The following ZP4 variants were observed in gnomAD, a reference collection of about 807,000 sequenced individuals.
ZP4 encodes the protein zona pellucida glycoprotein 4.
In ZP4, 62 loss-of-function variants were observed where a neutral mutation model predicts 62.3. The ratio of observed to expected loss-of-function variants is 0.99; its 90% CI spans 0.81 to 1.23. ZP4 has a LOEUF of 1.23. ZP4 is among the 50% of genes most tolerant of loss of function. The pLI is 0.00. For missense variants in ZP4, 774 were observed against 656.0 expected (o/e 1.18, Z -1.97); for synonymous variants, 289 against 247.3 (o/e 1.17, Z -1.58).
intron 10 of ZP4, among the ~76,000 whole-genome samples, chr1:237,884,130 C>G (rs1161379705): frequency 1.3e-5 from 2 of 151,344 alleles, no homozygotes; most frequent in East Asian, 3.9e-4. Flanking sequence ...TTCTATTTGC[C>G]AGTTGTAGGA....
At chr1:237,888,608 T>C (rs1558534510) in intron 3 of ZP4, 98 bp from the exon 4 acceptor site, 2 of 1,171,966 alleles carry the variant, frequency 1.7e-6, no homozygotes, top group Admixed American at 2.3e-5. Flanking sequence ...CCTGTAGATA[T>C]GTAGATGATT....
At position 237,890,496 on chromosome 1, in the gene ZP4, T is replaced by C. The variant is rs1421783182; in HGVS notation, c.140A>G (p.Gln47Arg). Residue 47 changes from glutamine (Q) to arginine (R), a missense_variant, in exon 1 of 12, where the codon CAG becomes CGG. Coordinates refer to ENST00000366570, the MANE Select transcript of ZP4 (RefSeq NM_021186.5). ...WSFQFAVNLN[Q>R]EATSPPVLIA... Reference sequence around the variant, plus strand: ...TAGTACAGGAGGAGACGTTGCCTCCTGGTTGAGGTTTACAGCAAACTGGAA... The same window carrying C: ...TAGTACAGGAGGAGACGTTGCCTCCCGGTTGAGGTTTACAGCAAACTGGAA... The C allele has an allele frequency of 6.2e-7, 1 of 1,613,928 alleles. No homozygotes were observed. The highest frequency in any genetic ancestry group is 1.6e-4 in the Middle Eastern group (1 of 6,062).
At chr1:237,882,721 T>TC (rs1168095597) in intron 11 of ZP4, 21 bp downstream of exon 11, 1 of 1,609,992 alleles carries the variant, frequency 6.2e-7, no homozygotes, top group Non-Finnish European at 8.5e-7. Context: ...TAGTTTGATC[T>TC]CCTCCCTCTT....
At chr1:237,886,918 G>A (rs757819716) in intron 5 of ZP4, 50 bp from the exon 6 acceptor site, 3 of 1,510,298 alleles carry the variant, frequency 2.0e-6, no homozygotes, top group African/African-American at 1.4e-5. Context: ...GTGTTATGCT[G>A]CTTGACTTGC....
At position 237,882,761 on chromosome 1, in the gene ZP4, C is replaced by T. The variant is rs1309481868; in HGVS notation, c.1476G>A (p.Lys492=). The T allele has an allele frequency of 6.2e-7, 1 of 1,614,094 alleles. No individual in the cohort carries two copies. Among genetic ancestry groups the T allele is most frequent in the Non-Finnish European group, 8.5e-7 (1 of 1,180,004 alleles). Residue 492 remains lysine (K), a synonymous_variant, in exon 11 of 12, where the codon AAG becomes AAA. Transcript: ENST00000366570. ...ACTTACGGAGCTTTTCTGGAGGGTCCTTAGTGGCTTGGAGTAGAATCATGG... is the reference window on the plus strand; with the variant it reads ...ACTTACGGAGCTTTTCTGGAGGGTCTTTAGTGGCTTGGAGTAGAATCATGG... ...KGPMILLQAT[K]DPPEKLRVPV... is the part of the protein sequence containing the mutation.
intron 3 of ZP4, among the ~76,000 whole-genome samples, chr1:237,889,461 G>A (rs1478007814): frequency 6.6e-6 from 1 of 151,940 alleles, no homozygotes; most frequent in African/African-American, 2.4e-5. Context: ...TGGGATTACA[G>A]GCATGTACCA....
Position 237,888,378 on chromosome 1 carries a change from G to T in ZP4, c.533C>A (p.Ser178Tyr). ...GCCYSSEEVN[S>Y]CYYGNTVTLH... ...CTCACCAGTGTTTCCATAGTAGCAGGAATTCACCTCTTCAGAGCTATAACA... is the reference window on the plus strand; with the variant it reads ...CTCACCAGTGTTTCCATAGTAGCAGTAATTCACCTCTTCAGAGCTATAACA... Residue 178 changes from serine to tyrosine, a missense_variant, in exon 4 of 12, where the codon TCC becomes TAC. Physicochemically the swap from Ser to Tyr is moderately radical, Grantham distance 144 (BLOSUM62 -2). Coordinates refer to ENST00000366570, the MANE Select transcript of ZP4 (RefSeq NM_021186.5). 1 of 1,588,630 alleles carries T rather than the reference G, an allele frequency of 6.3e-7. No individual in the cohort carries two copies. Among genetic ancestry groups the T allele is most frequent in the Non-Finnish European group, 8.6e-7 (1 of 1,161,596 alleles).
intron 6 of ZP4, among the ~76,000 whole-genome samples, chr1:237,886,250 G>A (rs532368513): frequency 6.6e-6 from 1 of 152,162 alleles, no homozygotes. Flanking sequence ...AGTGCTTGAG[G>A]CCCTTTGAGA....
At chr1:237,885,637 T>C (rs939866984) in intron 7 of ZP4, 57 bp from the exon 8 acceptor site, 2 of 1,597,236 alleles carry the variant, frequency 1.3e-6, no homozygotes, top group Non-Finnish European at 1.7e-6. Context: ...CTTGAGGGAC[T>C]GTCACCCCTT....
chr1:237,890,236 TAGTC>T, intron 1 of ZP4, 60 bp from the exon 2 acceptor site: 1 of 1,610,286 alleles, frequency 6.2e-7, no homozygotes, highest in Non-Finnish European at 8.5e-7. Context: ...CCAGAAAGGA[TAGTC>T]AGCCTTGCCA....
At chr1:237,889,460 A>G (rs1665185770) in intron 3 of ZP4, among the ~76,000 whole-genome samples, 1 of 151,872 alleles carries the variant, frequency 6.6e-6, no homozygotes, top group Non-Finnish European at 1.5e-5. Flanking sequence ...CTGGGATTAC[A>G]GGCATGTACC....
intron 10 of ZP4, among the ~76,000 whole-genome samples, chr1:237,884,340 A>T (rs765953161): frequency 6.6e-6 from 1 of 152,196 alleles, no homozygotes; most frequent in Non-Finnish European, 1.5e-5. Context: ...ACATACAGAC[A>T]CATTGACTAC....
In ZP4 at chr1:237,885,177, G is replaced by T. The variant is rs1016511679; in HGVS notation, c.1299C>A (p.Ala433=). 10 of 1,613,742 alleles carry T rather than the reference G, an allele frequency of 6.2e-6. No homozygotes were observed. The African/African-American group carries it at 1.2e-4, about 19-fold the overall frequency. The part of the protein sequence containing the change: ...SFVNPTVEKQ[A]LRGPVHLHCS... ...GGGAACATCCTACCGGTCCCCTGAG[G>T]GCCTGTTTCTCCACTGTAGGGTTCA... Residue 433 remains alanine, a synonymous_variant, in exon 9 of 12, where the codon GCC becomes GCA. Coordinates refer to ENST00000366570, the MANE Select transcript of ZP4 (RefSeq NM_021186.5).
intron 6 of ZP4, among the ~76,000 whole-genome samples, chr1:237,886,091 C>T (rs1282844757): frequency 2.0e-5 from 3 of 152,070 alleles, no homozygotes; most frequent in Non-Finnish European, 2.9e-5. Context: ...GATAAGCACA[C>T]AGAAATAAAG....
chr1:237,888,854 G>A (rs1486751412), intron 3 of ZP4, among the ~76,000 whole-genome samples: 1 of 152,130 alleles, frequency 6.6e-6, no homozygotes, highest in Admixed American at 6.6e-5. Context: ...TTGGATATGA[G>A]TTATCTGAAG....
intron 1 of ZP4, 58 bp downstream of exon 1, chr1:237,890,403 T>C: frequency 1.3e-6 from 2 of 1,559,338 alleles, no homozygotes; most frequent in South Asian, 1.2e-5. Flanking sequence ...GGAGACATCT[T>C]AGGTAGTAGA....
intron 4 of ZP4, 88 bp downstream of exon 4, chr1:237,888,270 G>A: frequency 2.2e-6 from 3 of 1,392,230 alleles, no homozygotes; most frequent in East Asian, 2.4e-5. Flanking sequence ...ATCACTTGAT[G>A]TTTGCCTTCT....
At position 237,888,372 on chromosome 1, in the gene ZP4, T is replaced by C. The variant is rs200403075; in HGVS notation, c.539A>G (p.Tyr180Cys). 20 of 1,584,956 alleles carry C rather than the reference T, an allele frequency of 1.3e-5. No homozygotes were observed. Among genetic ancestry groups the C allele is most frequent in the Non-Finnish European group, 1.7e-5 (20 of 1,158,990 alleles). ...CACTTACTCACCAGTGTTTCCATAG[T>C]AGCAGGAATTCACCTCTTCAGAGCT... ...CYSSEEVNSCYYGNTVTLHCT... is the reference protein window; with the variant it reads ...CYSSEEVNSCCYGNTVTLHCT... Residue 180 changes from tyrosine to cysteine, a missense_variant, in exon 4 of 12, where the codon TAC becomes TGC. Tyr to Cys is a radical substitution (Grantham distance 194). Coordinates refer to ENST00000366570, the MANE Select transcript of ZP4 (RefSeq NM_021186.5).
chr1:237,882,855 G>T lies in ZP4; in HGVS notation c.1391-9C>A, dbSNP rs944586125. 1.2e-6 allele frequency: 2 copies of T among 1,610,452 alleles called. No individual in the cohort carries two copies. The highest frequency in any genetic ancestry group is 2.7e-5 in the African/African-American group (2 of 74,744). On this transcript the variant is annotated splice_polypyrimidine_tract_variant and intron_variant, in intron 10 of 11. Coordinates refer to ENST00000366570, the MANE Select transcript of ZP4 (RefSeq NM_021186.5). ...GTCAAAATTTCTTCTTCCTGTTAGA[G>T]AAATGAGACCTAGTAATTCATTAGT...
Sources: allele counts gnomAD v4.1 joint callset (sites outside exome capture counted in the v4.1 genomes callset), GRCh38; gene constraint gnomAD v4.1.1; transcripts MANE v1.5; gene names NCBI Gene and HGNC (gene_info 2026-07-23, HGNC 2026-07-21).